Variants in BCR observed in about 807,000 individuals in gnomAD.
BCR encodes BCR activator of RhoGEF and GTPase, also known as breakpoint cluster region protein.
BCR carries 58 observed loss-of-function variants against 138.6 expected under a neutral mutation model. The observed-to-expected ratio is 0.42, with a 90% CI of 0.34 to 0.52. BCR has a LOEUF of 0.52. Among genes scored for constraint, BCR ranks in the 20% least tolerant of loss-of-function variants. The probability of loss-of-function intolerance (pLI) is 0.06; values close to 1 mark genes in which losing one functional copy is unlikely to be tolerated. For missense variants in BCR, 1,599 were observed against 1,727.2 expected (o/e 0.93, Z 1.32); for synonymous variants, 786 against 730.1 (o/e 1.08, Z -1.23).
chr22:23,225,191 C>CTT (rs34267356), intron 1 of BCR, among the ~76,000 whole-genome samples: 1 of 142,832 alleles, frequency 7.0e-6, no homozygotes, highest in Non-Finnish European at 1.5e-5. Context: ...GTCTGTGGTG[C>CTT]TTTTTTTTTT....
At chr22:23,196,416 C>T (rs1475212294) in intron 1 of BCR, among the ~76,000 whole-genome samples, 2 of 152,152 alleles carry the variant, frequency 1.3e-5, no homozygotes, top group Non-Finnish European at 2.9e-5. Flanking sequence ...GGAAACCTTA[C>T]ATCTGTCCTG....
rs370216103 is a variant in BCR at position 23,185,798 on chromosome 22, G to C, written c.1279+3559G>C. ...GGCTGGAGTGCAGCCCAGCGATCTC[G>C]GCTCACTGCAAGCTCCGCCTCTCGG... On this transcript the variant is annotated intron_variant, in intron 1 of 22. Transcript: ENST00000305877. 8.0e-5 allele frequency among the ~76,000 whole-genome samples: 12 copies of C among 150,586 alleles called. No individual in the cohort carries two copies. The East Asian group carries it at 1.4e-3, about 18-fold the overall frequency.
intron 8 of BCR, among the ~76,000 whole-genome samples, chr22:23,277,800 A>G (rs1213301770): frequency 1.3e-5 from 2 of 152,016 alleles, no homozygotes; most frequent in Non-Finnish European, 2.9e-5. Flanking sequence ...GCCACATCCC[A>G]TGGCTCCAGG....
intron 22 of BCR, 107 bp from the exon 23 acceptor site, chr22:23,315,325 TC>T: frequency 1.1e-6 from 1 of 940,398 alleles, no homozygotes; most frequent in Non-Finnish European, 1.7e-6. Flanking sequence ...CCAGCAGGGG[TC>T]CCCAGCACCT....
chr22:23,304,192 G>T (rs2073933845), intron 16 of BCR, among the ~76,000 whole-genome samples: 1 of 142,788 alleles, frequency 7.0e-6, no homozygotes, highest in Non-Finnish European at 1.5e-5. Flanking sequence ...CTCCTGCCTT[G>T]GCCTCCCAAA....
intron 1 of BCR, among the ~76,000 whole-genome samples, chr22:23,186,063 A>G (rs1222569535): frequency 6.6e-6 from 1 of 152,188 alleles, no homozygotes; most frequent in African/African-American, 2.4e-5. Context: ...GGAACTTACA[A>G]GTTACCGGAA....
At chr22:23,301,977 G>A (rs2073906672) in intron 16 of BCR, among the ~76,000 whole-genome samples, 1 of 152,128 alleles carries the variant, frequency 6.6e-6, no homozygotes, top group Non-Finnish European at 1.5e-5. Context: ...CTGGACTGTG[G>A]GCACCACCAC....
intron 1 of BCR, among the ~76,000 whole-genome samples, chr22:23,194,366 G>A (rs1169608668): frequency 6.6e-6 from 1 of 150,856 alleles, no homozygotes; most frequent in Non-Finnish European, 1.5e-5. Flanking sequence ...CCAGCATCTT[G>A]GGAGGCTGAG....
In BCR at chr22:23,315,569, C is replaced by G; in HGVS notation, c.*47C>G. The G allele has an allele frequency of 6.4e-7, 1 of 1,574,034 alleles. No homozygotes were observed. The highest frequency in any genetic ancestry group is 8.7e-7 in the Non-Finnish European group (1 of 1,146,446). The stretch of plus-strand genomic sequence containing the variant: ...AGGCGGACAGATGGCCTGGAAACCT[C>G]TGGCTAATCGGGCCATCCGTAGAGC... On this transcript the variant is annotated 3_prime_UTR_variant, in exon 23 of 23. Transcript: ENST00000305877.
intron 1 of BCR, among the ~76,000 whole-genome samples, chr22:23,236,623 G>A (rs1488337174): frequency 1.3e-5 from 2 of 152,214 alleles, no homozygotes; most frequent in Non-Finnish European, 2.9e-5. Context: ...AGTGGGTCTG[G>A]GTTCCCCTCA....
chr22:23,273,336 C>G (rs754400535), intron 7 of BCR, among the ~76,000 whole-genome samples: 5 of 152,176 alleles, frequency 3.3e-5, no homozygotes, highest in Admixed American at 6.5e-5. Flanking sequence ...AAGAGTTACT[C>G]CACGCAAAAT....
intron 2 of BCR, among the ~76,000 whole-genome samples, chr22:23,255,963 C>G (rs2073290447): frequency 6.6e-6 from 1 of 152,220 alleles, no homozygotes; most frequent in South Asian, 2.1e-4. Flanking sequence ...AGCTCCTTTC[C>G]AGAAACCTTC....
chr22:23,264,506 G>T, intron 4 of BCR: 1 of 555,366 alleles, frequency 1.8e-6, no homozygotes, highest in Non-Finnish European at 3.2e-6. Context: ...TGCAGTAGAG[G>T]CTTCTGACTC....
intron 12 of BCR, 85 bp from the exon 13 acceptor site, chr22:23,289,432 G>A (rs2073757401): frequency 8.6e-7 from 1 of 1,158,674 alleles, no homozygotes; most frequent in African/African-American, 1.5e-5. Context: ...CCTTCCCCAG[G>A]GTGTGTGGTG....
intron 1 of BCR, among the ~76,000 whole-genome samples, chr22:23,227,613 T>C (rs12159911): frequency 1.8e-3 from 272 of 152,368 alleles, no homozygotes; most frequent in African/African-American, 6.3e-3. Flanking sequence ...ACACAGGGCA[T>C]TGGCCTTGAT....
chr22:23,288,473 A>C (rs918924420), intron 12 of BCR, among the ~76,000 whole-genome samples: 1 of 129,238 alleles, frequency 7.7e-6, no homozygotes, highest in African/African-American at 3.0e-5. Flanking sequence ...GCCCCTACAC[A>C]CACCCCTGCC....
chr22:23,266,694 T>A (rs1425147287), intron 4 of BCR, among the ~76,000 whole-genome samples: 1 of 152,240 alleles, frequency 6.6e-6, no homozygotes. Flanking sequence ...AACCTTGACA[T>A]TTTTTGAAGG....
At chr22:23,297,478 G>C (rs919308375) in intron 16 of BCR, among the ~76,000 whole-genome samples, 1 of 152,066 alleles carries the variant, frequency 6.6e-6, no homozygotes, top group African/African-American at 2.4e-5. Context: ...TCAGGGCCCT[G>C]GGTATTCAGG....
chr22:23,211,275 G>C (rs936169377), intron 1 of BCR, among the ~76,000 whole-genome samples: 2 of 152,082 alleles, frequency 1.3e-5, no homozygotes, highest in Non-Finnish European at 2.9e-5. Flanking sequence ...TCGGCTCACT[G>C]CAAGCTCCGC....
Sources: allele counts gnomAD v4.1 joint callset (sites outside exome capture counted in the v4.1 genomes callset), GRCh38; gene constraint gnomAD v4.1.1; transcripts MANE v1.5; gene names NCBI Gene and HGNC (gene_info 2026-07-23, HGNC 2026-07-21).